TRPM2: variants seen among roughly 807,000 people sequenced by gnomAD.
TRPM2 encodes the protein transient receptor potential cation channel subfamily M member 2.
In TRPM2, 161 loss-of-function variants were observed where a neutral mutation model predicts 174.0. The observed-to-expected ratio is 0.93, with a 90% CI of 0.81 to 1.05. TRPM2 has a LOEUF of 1.05. Among genes scored for constraint, TRPM2 ranks in the 50% least tolerant of loss-of-function variants. The pLI is 0.00. For synonymous variants in TRPM2, 954 were observed against 861.3 expected, an observed-to-expected ratio of 1.11 and a Z score of -1.88; for missense variants, 2,057 against 2,038.0, an observed-to-expected ratio of 1.01 and a Z score of -0.18.
At chr21:44,404,313 C>T (rs897587422) in intron 16 of TRPM2, among the ~76,000 whole-genome samples, 6 of 152,082 alleles carry the variant, frequency 3.9e-5, no homozygotes, top group Non-Finnish European at 8.8e-5. Context: ...CATACATGCA[C>T]ATACACATAT....
Position 44,424,916 on chromosome 21 carries a change from C to A in TRPM2, c.3614C>A (p.Ser1205Ter). ...VRTLRASGFSSEADVPTLASQ... is the reference protein window; with the variant it reads ...VRTLRASGFS ...ACGCTGCGGGCCAGCGGCTTCAGCT[C>A]GGAGGCGGACGTCCCCACTCTGGGT... The change falls in exon 24 of 32, where the codon TCG (serine) becomes TAG (stop). Residue 1205 changes from serine (S) to a stop codon, truncating the protein, a stop_gained. Coordinates refer to ENST00000397928, the MANE Select transcript of TRPM2 (RefSeq NM_003307.4). LOFTEE classifies it high-confidence loss of function. 1 of 1,606,210 alleles carries A rather than the reference C, an allele frequency of 6.2e-7. No homozygotes were observed. The highest frequency in any genetic ancestry group is 1.9e-4 in the Middle Eastern group (1 of 5,220).
Position 44,405,221 on chromosome 21 carries a change from TCGG to T in TRPM2, c.2621_2623del (p.Gly874del). The T allele has an allele frequency of 6.2e-7, 1 of 1,613,388 alleles. No individual in the cohort carries two copies. Among genetic ancestry groups the T allele is most frequent in the Non-Finnish European group, 8.5e-7 (1 of 1,179,950 alleles). On this transcript the variant is annotated inframe_deletion, in exon 17 of 32. Coordinates refer to ENST00000397928, the MANE Select transcript of TRPM2 (RefSeq NM_003307.4). ...AGTGACTTCTGGAATAAGCTGGACG[TCGG>T]CGCAATCTTGCTCTTCGTGGCAGGG...
At chr21:44,436,050 C>T (rs1471138919) in intron 28 of TRPM2, among the ~76,000 whole-genome samples, 1 of 151,414 alleles carries the variant, frequency 6.6e-6, no homozygotes, top group Admixed American at 6.6e-5. Flanking sequence ...GCCCCACACT[C>T]AACCCCCACC....
At chr21:44,390,409 G>T (rs2049138222) in intron 9 of TRPM2, among the ~76,000 whole-genome samples, 2 of 152,162 alleles carry the variant, frequency 1.3e-5, no homozygotes, top group African/African-American at 4.8e-5. Flanking sequence ...AGTTAAACCA[G>T]AAAGGGAACA....
chr21:44,406,799 GC>G, intron 19 of TRPM2, 34 bp downstream of exon 19: 2 of 1,573,456 alleles, frequency 1.3e-6, no homozygotes, highest in South Asian at 2.3e-5. Context: ...CTCGGGTGGT[GC>G]TGCCGGGAAG....
In TRPM2 at chr21:44,435,481, G is replaced by T. The variant is rs2051208957; in HGVS notation, c.4061+264G>T. ...CGGGGCTGCCTTCACTTTCCTGCCG[G>T]TCCCTGCCCATTAGAGGGCACCCTC... is the stretch of plus-strand genomic sequence containing the variant. On this transcript the variant is annotated intron_variant, in intron 28 of 31. Transcript: ENST00000397928. Among the ~76,000 whole-genome samples, 3 of 151,882 alleles carry T rather than the reference G, an allele frequency of 2.0e-5. No individual in the cohort carries two copies. The South Asian group carries it at 6.2e-4, about 31-fold the overall frequency.
intron 2 of TRPM2, among the ~76,000 whole-genome samples, chr21:44,355,176 C>T (rs907332621): frequency 2.0e-5 from 3 of 152,208 alleles, no homozygotes; most frequent in Admixed American, 1.3e-4. Context: ...GCCAGAGGCC[C>T]GACTTGCCCC....
At chr21:44,410,151 A>G (rs200049560) in intron 19 of TRPM2, among the ~76,000 whole-genome samples, 5,505 of 24,982 alleles carry the variant, frequency 0.22, 1,430 homozygotes, top group African/African-American at 0.39. Flanking sequence ...TGTCTTGGTG[A>G]GCGTAGCCTT....
chr21:44,363,186 A>G (rs1042006184), intron 2 of TRPM2, among the ~76,000 whole-genome samples: 3 of 152,122 alleles, frequency 2.0e-5, no homozygotes, highest in African/African-American at 7.2e-5. Context: ...TAGCGTGTGT[A>G]GGTTTATGTC....
Position 44,391,640 on chromosome 21 carries a change from CG to C in TRPM2, c.1794+19del. 1 of 1,557,560 alleles carries C rather than the reference CG, an allele frequency of 6.4e-7. No individual in the cohort carries two copies. The highest frequency in any genetic ancestry group is 8.6e-7 in the Non-Finnish European group (1 of 1,158,632). ...TCAAGCTCAACGTGCGTGCTGGTAA[CG>C]GGGCCCATCCTGGACTCGTCTTCGC... On this transcript the variant is annotated intron_variant, in intron 11 of 31. Coordinates refer to ENST00000397928, the MANE Select transcript of TRPM2 (RefSeq NM_003307.4). This position sits in a 1 kb window ranked among gnomAD's most constrained non-coding sequence, Gnocchi z 5.0.
chr21:44,354,971 T>C lies in TRPM2; in HGVS notation c.254+235T>C, dbSNP rs1365739714. Among the ~76,000 whole-genome samples the C allele has an allele frequency of 6.6e-6, 1 of 151,982 alleles. No individual in the cohort carries two copies. Among genetic ancestry groups the C allele is most frequent in the East Asian group, 1.9e-4 (1 of 5,196 alleles). ...GGTGCAGGGACCAAAGTGCAGAGTT[T>C]AGGTGACTTGTTCAGGGTCATAAGG... is the stretch of plus-strand genomic sequence containing the variant. On this transcript the variant is annotated intron_variant, in intron 2 of 31. Transcript: ENST00000397928. The surrounding 1 kb of genome is among the most constrained non-coding windows in gnomAD (Gnocchi z 4.3).
At position 44,366,757 on chromosome 21, in the gene TRPM2, G is replaced by A. The variant is rs559123321; in HGVS notation, c.427G>A (p.Val143Ile). The change falls in exon 4 of 32, where the codon GTC becomes ATC. Residue 143 changes from valine to isoleucine, a missense_variant. Physicochemically the swap from Val to Ile is conservative, Grantham distance 29. Transcript: ENST00000397928. The surrounding 1 kb of genome is among the most constrained non-coding windows in gnomAD (Gnocchi z 6.0). The part of the protein sequence containing the change: ...TGLSQKVKKY[V>I]RVSQDTPSSV... ...CGCCGTTTTCCCTTTCCCGCAGTAC[G>A]TCCGAGTCTCCCAGGACACGCCCTC... 7 of 1,613,892 alleles carry A rather than the reference G, an allele frequency of 4.3e-6. No homozygotes were observed. Among genetic ancestry groups the A allele is most frequent in the African/African-American group, 2.7e-5 (2 of 74,978 alleles).
At chr21:44,395,304 G>A (rs2049307124) in intron 11 of TRPM2, 110 bp from the exon 12 acceptor site, 8 of 1,352,824 alleles carry the variant, frequency 5.9e-6, no homozygotes, top group Non-Finnish European at 7.9e-6. Flanking sequence ...GGGACAGTGA[G>A]ATCCTGAGAA....
chr21:44,406,563 G>A (rs373878268), intron 18 of TRPM2, 31 bp from the exon 19 acceptor site: 3 of 1,590,768 alleles, frequency 1.9e-6, no homozygotes, highest in East Asian at 2.2e-5. Context: ...GGGGCCAGGA[G>A]AGTGTAGCCC....
At chr21:44,357,688 A>G (rs1057250462) in intron 2 of TRPM2, among the ~76,000 whole-genome samples, 2 of 152,184 alleles carry the variant, frequency 1.3e-5, no homozygotes, top group Non-Finnish European at 2.9e-5. Flanking sequence ...CCCAGCAGGA[A>G]AGCAGCTGTT....
At chr21:44,402,422 G>C (rs2049652101) in intron 16 of TRPM2, among the ~76,000 whole-genome samples, 1 of 152,204 alleles carries the variant, frequency 6.6e-6, no homozygotes, top group African/African-American at 2.4e-5. Flanking sequence ...AGGTGTGGGT[G>C]GCACTCCATC....
chr21:44,364,704 C>T (rs1469853228), intron 3 of TRPM2, among the ~76,000 whole-genome samples: 1 of 152,048 alleles, frequency 6.6e-6, no homozygotes, highest in Non-Finnish European at 1.5e-5. Flanking sequence ...GGGAAGGGGC[C>T]CAGGATAGCA....
chr21:44,440,756 C>T lies in TRPM2; in HGVS notation c.4270-33C>T, dbSNP rs536294243. ...GCCGGGGCACCGCTCAGGTGTCCCTCGCTGTCGGGCTTACCCTGCCCTGCC... is the reference window on the plus strand; with the variant it reads ...GCCGGGGCACCGCTCAGGTGTCCCTTGCTGTCGGGCTTACCCTGCCCTGCC... On this transcript the variant is annotated intron_variant, in intron 30 of 31. Coordinates refer to ENST00000397928, the MANE Select transcript of TRPM2 (RefSeq NM_003307.4). 1.7e-4 allele frequency: 268 copies of T among 1,594,662 alleles called. 2 individuals are homozygous for T. In the South Asian group the frequency reaches 2.4e-3, roughly 14 times the overall value.
At chr21:44,394,999 A>G (rs938283001) in intron 11 of TRPM2, among the ~76,000 whole-genome samples, 1 of 152,160 alleles carries the variant, frequency 6.6e-6, no homozygotes, top group East Asian at 1.9e-4. Flanking sequence ...GATCTTTCCT[A>G]GTGGCCTCTC....
Sources: allele counts gnomAD v4.1 joint callset (sites outside exome capture counted in the v4.1 genomes callset), GRCh38; gene constraint gnomAD v4.1.1; non-coding constraint Gnocchi (gnomAD v3.1); transcripts MANE v1.5; gene names NCBI Gene and HGNC (gene_info 2026-07-23, HGNC 2026-07-21).